Variants in LARGE1 observed in about 807,000 individuals in gnomAD.
LARGE1 encodes the protein xylosyl- and glucuronyltransferase LARGE1.
In LARGE1, 43 loss-of-function variants were observed where a neutral mutation model predicts 87.6. The observed-to-expected ratio is 0.49, with a 90% CI of 0.38 to 0.63. LARGE1 has a LOEUF of 0.63. Ranked by LOEUF, LARGE1 falls within the 30% of genes least tolerant of loss-of-function variation. LARGE1 has a pLI of 0.00. For missense variants in LARGE1, 802 were observed against 1,000.2 expected, an observed-to-expected ratio of 0.80 and a Z score of 2.67; for synonymous variants, 434 against 394.6, an observed-to-expected ratio of 1.10 and a Z score of -1.18.
At chr22:33,245,200 G>T (rs143145127) in intron 11 of LARGE1, among the ~76,000 whole-genome samples, 2 of 152,168 alleles carry the variant, frequency 1.3e-5, no homozygotes, top group Non-Finnish European at 2.9e-5. Flanking sequence ...AGGACAGCAA[G>T]GTGGTTGTCT....
chr22:33,299,554 A>G (rs1933862887), intron 12 of LARGE1, among the ~76,000 whole-genome samples: 1 of 152,202 alleles, frequency 6.6e-6, no homozygotes, highest in African/African-American at 2.4e-5. Context: ...AGAAGGTGGC[A>G]GAGTTTGCAA....
chr22:33,821,952 G>GTTTT (rs11425081), intron 1 of LARGE1, among the ~76,000 whole-genome samples: 3 of 137,694 alleles, frequency 2.2e-5, no homozygotes, highest in African/African-American at 5.4e-5. Flanking sequence ...ACTTTTTTAG[G>GTTTT]TTTTTTTTTT....
chr22:33,369,055 T>G (rs572398101), intron 9 of LARGE1, among the ~76,000 whole-genome samples: 6 of 152,302 alleles, frequency 3.9e-5, no homozygotes, highest in Middle Eastern at 3.4e-3. Flanking sequence ...GATCGACTCT[T>G]CCTTTCATGA....
chr22:33,739,523 A>G (rs1481601869), intron 2 of LARGE1, among the ~76,000 whole-genome samples: 2 of 152,198 alleles, frequency 1.3e-5, no homozygotes, highest in South Asian at 4.1e-4. Flanking sequence ...TATTTGAGGG[A>G]GTATTTTTCC....
At chr22:33,532,214 T>C (rs1158791799) in intron 6 of LARGE1, among the ~76,000 whole-genome samples, 1 of 152,220 alleles carries the variant, frequency 6.6e-6, no homozygotes, top group African/African-American at 2.4e-5. Flanking sequence ...TACAAAGAAA[T>C]CTTGGGCTTC....
At chr22:33,248,499 G>A (rs1194100329) in intron 11 of LARGE1, among the ~76,000 whole-genome samples, 2 of 152,056 alleles carry the variant, frequency 1.3e-5, no homozygotes, top group African/African-American at 4.8e-5. Context: ...TGAGCCACGT[G>A]TAGACTTTCT....
chr22:33,668,399 AC>A (rs746872633), intron 2 of LARGE1, among the ~76,000 whole-genome samples: 7 of 152,200 alleles, frequency 4.6e-5, no homozygotes, highest in Non-Finnish European at 1.5e-5. Flanking sequence ...ACCTTGTGAT[AC>A]TGTCGAATAA....
intron 7 of LARGE1, among the ~76,000 whole-genome samples, chr22:33,424,499 G>T (rs1382221379): frequency 6.6e-6 from 1 of 152,156 alleles, no homozygotes; most frequent in Admixed American, 6.6e-5. Context: ...GCAATGGACT[G>T]AATGTCATAT....
At chr22:33,323,581 A>T (rs1212606912) in intron 10 of LARGE1, among the ~76,000 whole-genome samples, 1 of 152,116 alleles carries the variant, frequency 6.6e-6, no homozygotes, top group Non-Finnish European at 1.5e-5. Flanking sequence ...TGTTCCATGA[A>T]CGAAGCAGGC....
intron 2 of LARGE1, among the ~76,000 whole-genome samples, chr22:33,705,205 C>G (rs1173401995): frequency 6.6e-6 from 1 of 152,194 alleles, no homozygotes; most frequent in African/African-American, 2.4e-5. Flanking sequence ...CCTGGCAACA[C>G]TGGGCACTGC....
At chr22:33,905,566 T>A (rs772250923) in intron 1 of LARGE1, among the ~76,000 whole-genome samples, 5 of 152,202 alleles carry the variant, frequency 3.3e-5, no homozygotes, top group Non-Finnish European at 7.3e-5. Context: ...ATTTTAAAAA[T>A]CCAACAGCAA....
intron 11 of LARGE1, among the ~76,000 whole-genome samples, chr22:33,197,350 CTG>C (rs1437611272): frequency 2.0e-5 from 3 of 151,954 alleles, no homozygotes; most frequent in Non-Finnish European, 4.4e-5. Context: ...GGAAGGAAAA[CTG>C]TCTTCATTTA....
At chr22:33,751,573 T>C (rs2084317981) in intron 2 of LARGE1, among the ~76,000 whole-genome samples, 1 of 152,124 alleles carries the variant, frequency 6.6e-6, no homozygotes, top group Admixed American at 6.5e-5. Flanking sequence ...TGCCCCAGTC[T>C]CTGTTCTACC....
At chr22:33,334,417 AAAAAAC>A (rs369913854) in intron 10 of LARGE1, among the ~76,000 whole-genome samples, 32,715 of 133,666 alleles carry the variant, frequency 0.24, 4,140 homozygotes, top group South Asian at 0.36. Flanking sequence ...CTCAAAAAAA[AAAAAAC>A]AAAAAAAAAA....
intron 7 of LARGE1, among the ~76,000 whole-genome samples, chr22:33,396,142 T>C (rs571385541): frequency 3.9e-5 from 6 of 152,374 alleles, no homozygotes; most frequent in African/African-American, 1.4e-4. Flanking sequence ...TGAAATCCTA[T>C]GGACACAGCG....
At chr22:33,796,681 G>A (rs977978109) in intron 1 of LARGE1, among the ~76,000 whole-genome samples, 1 of 151,606 alleles carries the variant, frequency 6.6e-6, no homozygotes, top group Non-Finnish European at 1.5e-5. Context: ...CCCTCTTGTG[G>A]AAGACCTTGG....
chr22:33,151,418 A>G, the LARGE1 span, among the ~76,000 whole-genome samples: 1 of 152,268 alleles, frequency 6.6e-6, no homozygotes, highest in East Asian at 1.9e-4. Context: ...TATTTCGTTT[A>G]TTCTCAGTTG....
chr22:33,781,299 G>C (rs541467208), intron 1 of LARGE1, among the ~76,000 whole-genome samples: 78 of 152,226 alleles, frequency 5.1e-4, no homozygotes, highest in African/African-American at 1.7e-3. Context: ...AGGAGTTCAA[G>C]ACCAGCCTGG....
intron 10 of LARGE1, among the ~76,000 whole-genome samples, chr22:33,322,999 C>G (rs148456190): frequency 0.047 from 7,092 of 152,064 alleles, 285 homozygotes; most frequent in African/African-American, 0.12. Context: ...GCGTGCGCCT[C>G]TAGTCCCAGC....
Sources: allele counts gnomAD v4.1 joint callset (sites outside exome capture counted in the v4.1 genomes callset), GRCh38; gene constraint gnomAD v4.1.1; transcripts MANE v1.5; gene names NCBI Gene and HGNC (gene_info 2026-07-23, HGNC 2026-07-21).